Variants in KCNAB1 observed in about 807,000 individuals in gnomAD.
KCNAB1 encodes the protein voltage-gated potassium channel subunit beta-1.
A neutral mutation model predicts 64.6 loss-of-function variants in KCNAB1; 35 were observed. That is an observed-to-expected ratio of 0.54 (90% CI 0.41 to 0.72). The LOEUF is 0.72. KCNAB1 is among the 30% of genes least tolerant of loss of function. The pLI is 0.00. For synonymous variants in KCNAB1, 177 were observed against 183.8 expected (o/e 0.96, Z 0.30); for missense variants, 401 against 512.9 (o/e 0.78, Z 2.11).
chr3:156,506,983 C>T (rs1021356364), intron 8 of KCNAB1, among the ~76,000 whole-genome samples: 3 of 152,086 alleles, frequency 2.0e-5, no homozygotes, highest in African/African-American at 7.2e-5. Flanking sequence ...ATGGATATAA[C>T]CACACAAGGC....
At chr3:156,528,174 C>CAAAAAAA (rs3085733) in intron 12 of KCNAB1, among the ~76,000 whole-genome samples, 6 of 140,696 alleles carry the variant, frequency 4.3e-5, no homozygotes, top group South Asian at 2.3e-4. Flanking sequence ...ATAATGCAGT[C>CAAAAAAA]AAAAAAAAAA....
chr3:156,360,251 G>A (rs932711757), intron 1 of KCNAB1, among the ~76,000 whole-genome samples: 10 of 152,100 alleles, frequency 6.6e-5, no homozygotes, highest in African/African-American at 1.2e-4. Context: ...CTCTAGATAC[G>A]TACATCCAGC....
chr3:156,291,122 C>T (rs1156805993), intron 1 of KCNAB1: 1 of 985,404 alleles, frequency 1.0e-6, no homozygotes, highest in East Asian at 1.1e-4. Context: ...TTTGTTACAG[C>T]AAGAGCCTGG....
chr3:156,464,989 T>C (rs553625312), intron 6 of KCNAB1, among the ~76,000 whole-genome samples: 1 of 152,216 alleles, frequency 6.6e-6, no homozygotes, highest in Non-Finnish European at 1.5e-5. Flanking sequence ...ATGGTAAATA[T>C]TATATTTAAA....
intron 1 of KCNAB1, among the ~76,000 whole-genome samples, chr3:156,320,480 G>A (rs1488148165): frequency 6.6e-6 from 1 of 152,206 alleles, no homozygotes; most frequent in Non-Finnish European, 1.5e-5. Flanking sequence ...AAAGTGGTGA[G>A]AGCCCATACA....
intron 1 of KCNAB1, among the ~76,000 whole-genome samples, chr3:156,135,572 G>T (rs945918090): frequency 3.3e-5 from 5 of 152,194 alleles, no homozygotes; most frequent in African/African-American, 1.2e-4. Flanking sequence ...TAGACTCCTA[G>T]ATATTTTAGA....
At chr3:156,466,486 G>C (rs541978325) in intron 7 of KCNAB1, among the ~76,000 whole-genome samples, 1 of 151,584 alleles carries the variant, frequency 6.6e-6, no homozygotes, top group East Asian at 1.9e-4. Flanking sequence ...ATAGTTTTTA[G>C]TTTTTATTTT....
At chr3:156,143,174 G>A in intron 1 of KCNAB1, 1 of 1,578,034 alleles carries the variant, frequency 6.3e-7, no homozygotes, top group Non-Finnish European at 8.6e-7. Context: ...TTGGGTTTTT[G>A]AAACATGCAT....
At chr3:156,378,904 G>T (rs1326582806) in intron 1 of KCNAB1, among the ~76,000 whole-genome samples, 2 of 152,144 alleles carry the variant, frequency 1.3e-5, no homozygotes, top group Non-Finnish European at 2.9e-5. Context: ...AGAGAAAATG[G>T]AATGTCCCCC....
At chr3:156,394,404 T>C (rs769312662) in intron 1 of KCNAB1, among the ~76,000 whole-genome samples, 32 of 152,118 alleles carry the variant, frequency 2.1e-4, no homozygotes, top group Admixed American at 2.6e-4. Context: ...TGGGCTAAGA[T>C]AGAAATGAAA....
At chr3:156,475,490 A>G (rs1714276323) in intron 8 of KCNAB1, among the ~76,000 whole-genome samples, 1 of 152,214 alleles carries the variant, frequency 6.6e-6, no homozygotes, top group East Asian at 1.9e-4. Flanking sequence ...GAGGCTGAGG[A>G]TGAATTAAAA....
Position 156,141,336 on chromosome 3 carries a change from A to G in KCNAB1, c.275+20450A>G, listed in dbSNP as rs1714696170. On this transcript the variant is annotated intron_variant, in intron 1 of 13. Coordinates refer to ENST00000490337, the MANE Select transcript of KCNAB1 (RefSeq NM_172160.3). Reference sequence around the variant, plus strand: ...TATTGATTGATGTGACCACTACCATAATCAAGACACAACAGTTCCATTATA... The same window carrying G: ...TATTGATTGATGTGACCACTACCATGATCAAGACACAACAGTTCCATTATA... 2.6e-5 allele frequency among the ~76,000 whole-genome samples: 4 copies of G among 152,216 alleles called. No homozygotes were observed. In the South Asian group the frequency reaches 8.3e-4, roughly 31 times the overall value.
chr3:156,378,072 G>A (rs1452790972), intron 1 of KCNAB1, among the ~76,000 whole-genome samples: 2 of 152,088 alleles, frequency 1.3e-5, no homozygotes, highest in Non-Finnish European at 2.9e-5. Context: ...TTTATCTTCA[G>A]AACACATTTC....
At chr3:156,291,395 C>G (rs887458785) in intron 1 of KCNAB1, 3 of 995,420 alleles carry the variant, frequency 3.0e-6, no homozygotes, top group South Asian at 4.5e-5. Context: ...GGATGCTCCG[C>G]GCGCCAGTTG....
chr3:156,390,376 C>G (rs970268510), intron 1 of KCNAB1, among the ~76,000 whole-genome samples: 6 of 151,908 alleles, frequency 3.9e-5, no homozygotes, highest in African/African-American at 1.2e-4. Flanking sequence ...TTTTTTATGG[C>G]AACATACTCA....
At chr3:156,382,026 CT>C (rs1712196127) in intron 1 of KCNAB1, 1 of 152,150 alleles carries the variant, frequency 6.6e-6, no homozygotes, top group South Asian at 2.1e-4. Flanking sequence ...TTTACTTCAC[CT>C]GAAGAGCTGT....
At chr3:156,455,612 C>T (rs1712347733) in intron 3 of KCNAB1, among the ~76,000 whole-genome samples, 1 of 152,044 alleles carries the variant, frequency 6.6e-6, no homozygotes, top group Admixed American at 6.6e-5. Context: ...CTATAGGTAA[C>T]AAAAACCCAA....
At chr3:156,465,867 G>A (rs1713329786) in intron 7 of KCNAB1, among the ~76,000 whole-genome samples, 181 bp downstream of exon 7, 2 of 151,968 alleles carry the variant, frequency 1.3e-5, no homozygotes, top group South Asian at 4.1e-4. Flanking sequence ...GGGGAGAATG[G>A]GAACTCAAAA....
At chr3:156,315,365 A>G (rs1309394868) in intron 1 of KCNAB1, among the ~76,000 whole-genome samples, 1 of 152,180 alleles carries the variant, frequency 6.6e-6, no homozygotes, top group Non-Finnish European at 1.5e-5. Flanking sequence ...CTGCTAGATG[A>G]TGTGGCATTA....
Sources: allele counts gnomAD v4.1 joint callset (sites outside exome capture counted in the v4.1 genomes callset), GRCh38; gene constraint gnomAD v4.1.1; transcripts MANE v1.5; gene names NCBI Gene and HGNC (gene_info 2026-07-23, HGNC 2026-07-21).